TRPM3: variants seen among roughly 807,000 people sequenced by gnomAD.
TRPM3 encodes long transient receptor potential channel 3.
In TRPM3, 77 loss-of-function variants were observed where a neutral mutation model predicts 181.2. That is an observed-to-expected ratio of 0.42 (90% CI 0.35 to 0.51). The LOEUF is 0.51. TRPM3 is among the 20% of genes least tolerant of loss of function. TRPM3 has a pLI of 0.01. For missense variants in TRPM3, 1,759 were observed against 2,196.7 expected (o/e 0.80, Z 3.98); for synonymous variants, 745 against 796.4 (o/e 0.94, Z 1.09).
At chr9:70,556,665 T>C (rs562018779) in intron 22 of TRPM3, among the ~76,000 whole-genome samples, 1 of 152,132 alleles carries the variant, frequency 6.6e-6, no homozygotes, top group African/African-American at 2.4e-5. Flanking sequence ...GAGGTTGCAG[T>C]GAGCTGAGAT....
At position 70,535,137 on chromosome 9, in the gene TRPM3, T is replaced by C. The variant is rs752291462; in HGVS notation, c.*816A>G. The C allele has an allele frequency of 3.4e-6, 1 of 295,320 alleles. No homozygotes were observed. The highest frequency in any genetic ancestry group is 6.1e-6 in the Non-Finnish European group (1 of 162,762). 18.3% of individuals were successfully genotyped at this position (295,320 alleles called of 1,614,324 possible). A position where few individuals can be genotyped will look rare whatever the true frequency, so the allele number is the denominator to read the frequency against. ...ATTAAAAAATATAAAATTATTTAATTACATTCTCCTGAGCTTGCTCGACTA... is the reference window on the plus strand; with the variant it reads ...ATTAAAAAATATAAAATTATTTAATCACATTCTCCTGAGCTTGCTCGACTA... On this transcript the variant is annotated 3_prime_UTR_variant, in exon 26 of 26. Coordinates refer to ENST00000677713, the MANE Select transcript of TRPM3 (RefSeq NM_001366145.2).
chr9:71,372,547 T>C (rs2092549148), intron 1 of TRPM3, among the ~76,000 whole-genome samples: 1 of 152,230 alleles, frequency 6.6e-6, no homozygotes. Context: ...ACAGTCATTC[T>C]GACTGGCATG....
intron 1 of TRPM3, among the ~76,000 whole-genome samples, chr9:70,871,157 A>G (rs1315409199): frequency 6.6e-6 from 1 of 151,884 alleles, no homozygotes; most frequent in Admixed American, 6.6e-5. Context: ...AGAAGGTGGG[A>G]GCTGAGTGGG....
rs144596825 is a variant in TRPM3, at chr9:71,349,769, A to C, written c.183+96884T>G. Among the ~76,000 whole-genome samples the C allele has an allele frequency of 9.5e-4, 144 of 152,184 alleles. 1 individual carries two copies. Among genetic ancestry groups the C allele is most frequent in the South Asian group, 5.8e-3 (28 of 4,828 alleles). On this transcript the variant is annotated intron_variant, in intron 1 of 24. Transcript: ENST00000357533. ...TGTTGTGAAATCTTTCCCCCACGTG[A>C]ATTCTTACACTCTGCTACAGAACTG...
At chr9:71,421,011 G>GAGAAAAAGAGAGAAAA (rs1255055247) in intron 1 of TRPM3, among the ~76,000 whole-genome samples, 11 of 118,312 alleles carry the variant, frequency 9.3e-5, no homozygotes, top group African/African-American at 3.3e-4. Context: ...GAGAGAAAAA[G>GAGAAAAAGAGAGAAAA]AGAGAAAAAG....
chr9:70,931,295 CTT>C (rs1208551041), intron 1 of TRPM3, among the ~76,000 whole-genome samples: 4 of 151,982 alleles, frequency 2.6e-5, no homozygotes, highest in Admixed American at 6.6e-5. Context: ...ATTTGAAAAA[CTT>C]TTATTTTCTG....
chr9:70,788,752 G>C (rs762208754), intron 6 of TRPM3, among the ~76,000 whole-genome samples: 1 of 152,090 alleles, frequency 6.6e-6, no homozygotes, highest in Non-Finnish European at 1.5e-5. Flanking sequence ...TCCCATCTAG[G>C]CATGATGGGA....
intron 1 of TRPM3, among the ~76,000 whole-genome samples, chr9:71,277,325 C>T (rs371393619): frequency 5.3e-5 from 8 of 152,212 alleles, no homozygotes; most frequent in Admixed American, 1.3e-4. Context: ...TCCTGAGTAA[C>T]GTGTACGTAG....
At chr9:70,795,297 A>G (rs967819237) in intron 6 of TRPM3, among the ~76,000 whole-genome samples, 1 of 152,242 alleles carries the variant, frequency 6.6e-6, no homozygotes, top group Non-Finnish European at 1.5e-5. Context: ...ATTATTATTT[A>G]TAAAGCACTT....
At chr9:71,067,158 C>T (rs1252979642) in intron 1 of TRPM3, among the ~76,000 whole-genome samples, 1 of 152,154 alleles carries the variant, frequency 6.6e-6, no homozygotes, top group East Asian at 1.9e-4. Flanking sequence ...GTCAAGATGG[C>T]TTCAGACAAA....
intron 1 of TRPM3, among the ~76,000 whole-genome samples, chr9:71,339,331 G>C (rs1419255097): frequency 6.6e-6 from 1 of 152,042 alleles, no homozygotes; most frequent in Non-Finnish European, 1.5e-5. Flanking sequence ...AAGTTGCAGT[G>C]CAGTTTAAAT....
chr9:70,587,699 A>G (rs1173995394), intron 22 of TRPM3, among the ~76,000 whole-genome samples: 4 of 152,186 alleles, frequency 2.6e-5, no homozygotes. Context: ...GAGACTACCC[A>G]AAAGGGTGTC....
At chr9:70,999,031 TA>T (rs1292114172) in intron 1 of TRPM3, among the ~76,000 whole-genome samples, 6 of 152,186 alleles carry the variant, frequency 3.9e-5, no homozygotes. Flanking sequence ...TGATAATCAC[TA>T]CCTTCTTTAA....
At chr9:71,337,985 G>A (rs2090679244) in intron 1 of TRPM3, among the ~76,000 whole-genome samples, 1 of 151,886 alleles carries the variant, frequency 6.6e-6, no homozygotes. Context: ...TAATGTAGAT[G>A]ACAGGTTGAT....
At chr9:71,148,893 A>G (rs190129225) in intron 1 of TRPM3, among the ~76,000 whole-genome samples, 50 of 152,290 alleles carry the variant, frequency 3.3e-4, no homozygotes, top group African/African-American at 8.7e-4. Context: ...GAAAAATAAT[A>G]TAAGTATCAA....
intron 12 of TRPM3, among the ~76,000 whole-genome samples, chr9:70,629,170 G>A (rs1223407528): frequency 2.1e-5 from 3 of 139,980 alleles, no homozygotes; most frequent in Admixed American, 1.5e-4. Context: ...AATGATTTAT[G>A]TTTGGTCAGC....
At chr9:71,071,247 C>G (rs1194335967) in intron 1 of TRPM3, among the ~76,000 whole-genome samples, 1 of 152,074 alleles carries the variant, frequency 6.6e-6, no homozygotes, top group Non-Finnish European at 1.5e-5. Context: ...CCTTAGAAGC[C>G]GTGTTTTGAG....
intron 19 of TRPM3, among the ~76,000 whole-genome samples, chr9:70,609,497 T>C (rs892185437): frequency 3.3e-5 from 5 of 152,238 alleles, no homozygotes; most frequent in African/African-American, 1.2e-4. Flanking sequence ...GGCAATTTTA[T>C]CCCACAAGGG....
At chr9:70,888,198 C>G (rs762000958) in intron 1 of TRPM3, among the ~76,000 whole-genome samples, 2 of 152,088 alleles carry the variant, frequency 1.3e-5, no homozygotes, top group Non-Finnish European at 2.9e-5. Context: ...CTTTATATGA[C>G]TAAAGGAGGT....
Sources: allele counts gnomAD v4.1 joint callset (sites outside exome capture counted in the v4.1 genomes callset), GRCh38; gene constraint gnomAD v4.1.1; transcripts MANE v1.5; gene names NCBI Gene and HGNC (gene_info 2026-07-23, HGNC 2026-07-21).